The following TNNI3K variants were observed in gnomAD, a reference collection of about 807,000 sequenced individuals.
TNNI3K encodes TNNI3 interacting kinase.
TNNI3K carries 140 observed loss-of-function variants against 114.5 expected under a neutral mutation model. That is an observed-to-expected ratio of 1.22 (90% CI 1.07 to 1.41). The LOEUF is 1.41. Among genes scored for constraint, TNNI3K ranks in the 40% most tolerant of loss-of-function variants. TNNI3K has a pLI of 0.00. For synonymous variants in TNNI3K, 347 were observed against 347.5 expected, an observed-to-expected ratio of 1.00 and a Z score of 0.02; for missense variants, 1,125 against 1,007.6, an observed-to-expected ratio of 1.12 and a Z score of -1.58.
At chr1:74,439,793 A>G (rs1666296222) in intron 20 of TNNI3K, among the ~76,000 whole-genome samples, 171 bp downstream of exon 20, 1 of 152,100 alleles carries the variant, frequency 6.6e-6, no homozygotes, top group Non-Finnish European at 1.5e-5. Flanking sequence ...AGAAAATTTA[A>G]TGACTTACCT....
rs1323009772 is a variant in TNNI3K, at chr1:74,543,062, CCCTTTTTTTTTT to C, written c.2432-843_2432-832del. ...TCCTTTTCCTTTTCTTTTTCTTTTT[CCCTTTTTTTTTT>C]TTTTTTTTTTTTTTTTTTTGAGATG... On this transcript the variant is annotated intron_variant, in intron 24 of 24. Transcript: ENST00000326637. Among the ~76,000 whole-genome samples the C allele has an allele frequency of 6.7e-4, 70 of 104,614 alleles. 1 individual carries two copies. The highest frequency in any genetic ancestry group is 1.7e-3 in the African/African-American group (47 of 28,326). The allele number at this position is 104,614 out of a possible 152,430, so 68.6% of individuals were successfully genotyped here. A position where few individuals can be genotyped will look rare whatever the true frequency, so the allele number is the denominator to read the frequency against.
intron 19 of TNNI3K, chr1:74,439,288 G>A: frequency 1.5e-6 from 1 of 653,244 alleles, no homozygotes; most frequent in Non-Finnish European, 2.2e-6. Context: ...TTGAGGAACT[G>A]AACAGCCACA....
intron 4 of TNNI3K, among the ~76,000 whole-genome samples, chr1:74,269,052 C>T (rs796692097): frequency 1.3e-5 from 2 of 151,882 alleles, no homozygotes; most frequent in Non-Finnish European, 2.9e-5. Flanking sequence ...ATCTGTCTTT[C>T]GACTTTTGCA....
At chr1:74,332,821 G>A (rs1053924973) in intron 6 of TNNI3K, among the ~76,000 whole-genome samples, 9 of 152,044 alleles carry the variant, frequency 5.9e-5, no homozygotes, top group African/African-American at 2.2e-4. Flanking sequence ...AAATGGAGAA[G>A]CCAGAATTCA....
chr1:74,471,685 A>G, intron 21 of TNNI3K: 2 of 401,104 alleles, frequency 5.0e-6, no homozygotes, highest in Non-Finnish European at 8.8e-6. Flanking sequence ...ATTTATTTCT[A>G]CTAAATCAGG....
intron 5 of TNNI3K, among the ~76,000 whole-genome samples, chr1:74,300,775 CAA>C (rs548815912): frequency 5.3e-4 from 81 of 152,140 alleles, no homozygotes; most frequent in African/African-American, 1.9e-3. Flanking sequence ...TGGAGGCAAA[CAA>C]ATTTAAATTT....
chr1:74,485,596 A>C (rs997848520), intron 21 of TNNI3K, among the ~76,000 whole-genome samples: 1 of 152,162 alleles, frequency 6.6e-6, no homozygotes, highest in Non-Finnish European at 1.5e-5. Context: ...ATGATGAGAT[A>C]TTACTCCCAT....
At chr1:74,393,038 G>A (rs1450653407) in intron 17 of TNNI3K, among the ~76,000 whole-genome samples, 1 of 152,194 alleles carries the variant, frequency 6.6e-6, no homozygotes, top group African/African-American at 2.4e-5. Flanking sequence ...ACTCATAGAG[G>A]TGGCAAATAA....
intron 17 of TNNI3K, chr1:74,375,707 TC>T: frequency 4.7e-6 from 2 of 426,422 alleles, no homozygotes. Flanking sequence ...CAATCAGCAG[TC>T]CCCACTTTCA....
chr1:74,332,666 G>A (rs762121069), intron 6 of TNNI3K, among the ~76,000 whole-genome samples: 4 of 152,062 alleles, frequency 2.6e-5, no homozygotes, highest in African/African-American at 4.8e-5. Context: ...CCAGAGTCAT[G>A]CGCTATTAAT....
chr1:74,251,534 T>C (rs1414336595), intron 4 of TNNI3K, among the ~76,000 whole-genome samples: 2 of 152,246 alleles, frequency 1.3e-5, no homozygotes, highest in African/African-American at 4.8e-5. Flanking sequence ...AGTAGATACC[T>C]GGACAATATT....
chr1:74,425,055 C>T (rs1048592964), intron 17 of TNNI3K, among the ~76,000 whole-genome samples: 2 of 152,002 alleles, frequency 1.3e-5, no homozygotes, highest in African/African-American at 4.8e-5. Context: ...AAACAGCAGG[C>T]AAGACAAGCT....
chr1:74,357,923 C>T (rs1361383746), intron 11 of TNNI3K, among the ~76,000 whole-genome samples: 1 of 152,104 alleles, frequency 6.6e-6, no homozygotes, highest in Non-Finnish European at 1.5e-5. Context: ...CAGCAGCCTG[C>T]TTATGTTCAA....
intron 23 of TNNI3K, among the ~76,000 whole-genome samples, chr1:74,506,928 G>A (rs915472074): frequency 6.6e-6 from 1 of 151,758 alleles, no homozygotes; most frequent in African/African-American, 2.4e-5. Flanking sequence ...CTTTCTACTT[G>A]GTATCATGTC....
At chr1:74,530,289 A>C (rs543404847) in intron 23 of TNNI3K, among the ~76,000 whole-genome samples, 3 of 152,328 alleles carry the variant, frequency 2.0e-5, no homozygotes, top group Admixed American at 2.0e-4. Flanking sequence ...TTTGAGAATC[A>C]CTTCTAGAGC....
intron 5 of TNNI3K, among the ~76,000 whole-genome samples, chr1:74,275,421 C>T (rs1396374166): frequency 6.6e-6 from 1 of 152,126 alleles, no homozygotes; most frequent in Non-Finnish European, 1.5e-5. Context: ...AATTATCTCC[C>T]ACTTTGTCCC....
intron 23 of TNNI3K, among the ~76,000 whole-genome samples, chr1:74,496,582 G>T (rs1669335979): frequency 6.6e-6 from 1 of 151,890 alleles, no homozygotes; most frequent in Admixed American, 6.6e-5. Flanking sequence ...ATTTTATGGG[G>T]TTTTTGGTTG....
intron 4 of TNNI3K, among the ~76,000 whole-genome samples, chr1:74,263,706 TA>T (rs1655807322): frequency 6.6e-6 from 1 of 151,976 alleles, no homozygotes; most frequent in Non-Finnish European, 1.5e-5. Flanking sequence ...CCAAAAAGTA[TA>T]AGATTGGGCA....
intron 23 of TNNI3K, among the ~76,000 whole-genome samples, chr1:74,506,723 C>G (rs1006399927): frequency 6.6e-6 from 1 of 152,156 alleles, no homozygotes; most frequent in African/African-American, 2.4e-5. Context: ...TATACAGTAA[C>G]CAATCTCTGG....
Sources: allele counts gnomAD v4.1 joint callset (sites outside exome capture counted in the v4.1 genomes callset), GRCh38; gene constraint gnomAD v4.1.1; transcripts MANE v1.5; gene names NCBI Gene and HGNC (gene_info 2026-07-23, HGNC 2026-07-21).